The following KIF1A variants were observed in gnomAD, a reference collection of about 807,000 sequenced individuals.
KIF1A encodes kinesin family member 1A.
In KIF1A, 46 loss-of-function variants were observed where a neutral mutation model predicts 227.3. The observed-to-expected ratio is 0.20, with a 90% CI of 0.16 to 0.26. The LOEUF is 0.26. Among genes scored for constraint, KIF1A ranks in the 10% least tolerant of loss-of-function variants. The probability of loss-of-function intolerance (pLI) is 1.00; values close to 1 mark genes in which losing one functional copy is unlikely to be tolerated. For synonymous variants in KIF1A, 1,022 were observed against 1,012.8 expected, an observed-to-expected ratio of 1.01 and a Z score of -0.17; for missense variants, 1,683 against 2,485.9, an observed-to-expected ratio of 0.68 and a Z score of 6.87.
At chr2:240,786,638 C>CCAG (rs1559529327) in intron 5 of KIF1A, 125 bp from the exon 6 acceptor site, 9 of 760,834 alleles carry the variant, frequency 1.2e-5, no homozygotes, top group African/African-American at 1.1e-4. Flanking sequence ...ATGGGGGCCG[C>CCAG]CATCAGGACC....
intron 1 of KIF1A, among the ~76,000 whole-genome samples, chr2:240,817,507 A>T (rs1188422267): frequency 6.6e-6 from 1 of 152,196 alleles, no homozygotes; most frequent in Non-Finnish European, 1.5e-5. Context: ...CACCCGTGGT[A>T]GCGGCTCAGG....
rs75666979 is a variant in KIF1A, at chr2:240,720,973, G to C, written c.4809C>G (p.Leu1603=). The change falls in exon 45 of 49, where the codon CTC becomes CTG. Residue 1603 remains leucine, a synonymous_variant. Coordinates refer to ENST00000498729, the MANE Select transcript of KIF1A (RefSeq NM_001244008.2). ...PSMSPLGVAT[L]TPSSTCPSLV... ...GAGAGGGGCAAGTGGAGGAGGGGGTGAGAGTGGCCACCCCTAGAGGGGACA... is the reference window on the plus strand; with the variant it reads ...GAGAGGGGCAAGTGGAGGAGGGGGTCAGAGTGGCCACCCCTAGAGGGGACA... 1 of 1,606,652 alleles carries C rather than the reference G, an allele frequency of 6.2e-7. No individual in the cohort carries two copies. The highest frequency in any genetic ancestry group is 1.1e-5 in the South Asian group (1 of 89,666).
At chr2:240,786,732 G>GCCACCAC (rs1559529774) in intron 5 of KIF1A, among the ~76,000 whole-genome samples, 1 of 142,790 alleles carries the variant, frequency 7.0e-6, no homozygotes, top group African/African-American at 2.9e-5. Context: ...GGGGGTGGGG[G>GCCACCAC]CTGCCTGCTG....
At position 240,771,245 on chromosome 2, in the gene KIF1A, GA is replaced by G. The variant is rs1453597594; in HGVS notation, c.1208-142del. The G allele has an allele frequency of 3.0e-6, 3 of 991,646 alleles. No individual in the cohort carries two copies. The African/African-American group carries it at 4.9e-5, about 16-fold the overall frequency. 61.4% of individuals were successfully genotyped at this position (991,646 alleles called of 1,614,324 possible). A position where few individuals can be genotyped will look rare whatever the true frequency, so the allele number is the denominator to read the frequency against. On this transcript the variant is annotated intron_variant, in intron 14 of 48. Transcript: ENST00000498729. The stretch of plus-strand genomic sequence containing the variant: ...AGGGAGAGAAAAAAGATGAAGATGG[GA>G]AAAAGTAAGAGATGGGGCCCAGAGA...
chr2:240,786,237 C>T, intron 6 of KIF1A, 98 bp downstream of exon 6: 3 of 1,233,376 alleles, frequency 2.4e-6, no homozygotes, highest in Non-Finnish European at 3.5e-6. Flanking sequence ...CACAGATGGA[C>T]CCTACCAAAA....
chr2:240,747,305 A>G lies in KIF1A; in HGVS notation c.2994T>C (p.Pro998=). Residue 998 remains proline, a synonymous_variant, in exon 29 of 49, where the codon CCT becomes CCC. Coordinates refer to ENST00000498729, the MANE Select transcript of KIF1A (RefSeq NM_001244008.2). The part of the protein sequence containing the change: ...VQAISADEEA[P]DYGSGVRQSG... ...ACTGGCGGACGCCAGAGCCATAATC[A>G]GGGGCCTCTTCATCGGCTGCAGGAG... 1 of 1,613,326 alleles carries G rather than the reference A, an allele frequency of 6.2e-7. No individual in the cohort carries two copies. Among genetic ancestry groups the G allele is most frequent in the Non-Finnish European group, 8.5e-7 (1 of 1,179,512 alleles).
At chr2:240,815,577 T>C (rs564917241) in intron 1 of KIF1A, among the ~76,000 whole-genome samples, 1 of 152,278 alleles carries the variant, frequency 6.6e-6, no homozygotes, top group African/African-American at 2.4e-5. Flanking sequence ...AAGCTCAACC[T>C]GGACTCTACC....
chr2:240,778,321 C>T lies in KIF1A; in HGVS notation c.883-2395G>A, dbSNP rs1280821915. ...TCTACATAGGGCCTCGTTACACAGG[C>T]GTTCCTCACCATTCTCCACACGCCA... On this transcript the variant is annotated intron_variant, in intron 10 of 48. Transcript: ENST00000498729. This position sits in a 1 kb window ranked among gnomAD's most constrained non-coding sequence, Gnocchi z 7.2. Among the ~76,000 whole-genome samples the T allele has an allele frequency of 1.3e-5, 2 of 152,000 alleles. No individual in the cohort carries two copies. Among genetic ancestry groups the T allele is most frequent in the African/African-American group, 2.4e-5 (1 of 41,336 alleles).
At chr2:240,784,938 G>T in intron 7 of KIF1A, 51 bp downstream of exon 7, 1 of 1,470,082 alleles carries the variant, frequency 6.8e-7, no homozygotes, top group South Asian at 1.1e-5. Context: ...CCCCTACCCT[G>T]ACCACCAGCC....
chr2:240,733,156 C>G (rs2046945757), intron 38 of KIF1A, among the ~76,000 whole-genome samples: 1 of 151,994 alleles, frequency 6.6e-6, no homozygotes, highest in South Asian at 2.1e-4. Context: ...GTCTTAGTCA[C>G]ACGTGAAAGA....
At chr2:240,754,313 C>T (rs879509061) in intron 27 of KIF1A, among the ~76,000 whole-genome samples, 10 of 151,984 alleles carry the variant, frequency 6.6e-5, no homozygotes, top group African/African-American at 9.7e-5. Flanking sequence ...CCCAGGCCAC[C>T]GGTGGGACAT....
Position 240,736,969 on chromosome 2 carries a change from A to C in KIF1A, c.4007+94T>G. ...GGGCCGGGAGAGCGTTGAGCGGGTC[A>C]CCTTGTGTGGCTGAACCCTGTGCCG... On this transcript the variant is annotated intron_variant, in intron 38 of 48. Coordinates refer to ENST00000498729, the MANE Select transcript of KIF1A (RefSeq NM_001244008.2). The surrounding 1 kb of genome is among the most constrained non-coding windows in gnomAD (Gnocchi z 4.7). 2 of 1,020,334 alleles carry C rather than the reference A, an allele frequency of 2.0e-6. No homozygotes were observed. The highest frequency in any genetic ancestry group is 2.7e-5 in the South Asian group (2 of 75,182). 63.2% of individuals were successfully genotyped at this position (1,020,334 alleles called of 1,614,324 possible).
At chr2:240,727,351 G>T (rs1403134202) in intron 38 of KIF1A, among the ~76,000 whole-genome samples, 1 of 152,164 alleles carries the variant, frequency 6.6e-6, no homozygotes, top group Non-Finnish European at 1.5e-5. Context: ...CTCAGGCAGG[G>T]AGGAGAGGAA....
At chr2:240,761,457 C>T (rs905832245) in intron 23 of KIF1A, 80 bp from the exon 24 acceptor site, 133 of 1,390,300 alleles carry the variant, frequency 9.6e-5, no homozygotes, top group Non-Finnish European at 1.2e-4. Flanking sequence ...GAAGGTCAGG[C>T]TGGTCGGCCA....
chr2:240,796,426 G>A (rs980920191), intron 2 of KIF1A, among the ~76,000 whole-genome samples: 4 of 152,166 alleles, frequency 2.6e-5, no homozygotes, highest in Non-Finnish European at 5.9e-5. Context: ...CAGGGCCCCG[G>A]CCACGGAGGT....
rs993145831 is a variant in KIF1A at position 240,757,635 on chromosome 2, C to T, written c.2583-41G>A. 5.8e-6 allele frequency: 9 copies of T among 1,541,410 alleles called. No homozygotes were observed. Among genetic ancestry groups the T allele is most frequent in the Admixed American group, 2.0e-5 (1 of 50,166 alleles). ...CAAGACAGAGAGAAGTTAACACCAG[C>T]GACTCGCAGGGACGAACAGGGGCCG... On this transcript the variant is annotated intron_variant, in intron 26 of 48. Coordinates refer to ENST00000498729, the MANE Select transcript of KIF1A (RefSeq NM_001244008.2). This position sits in a 1 kb window ranked among gnomAD's most constrained non-coding sequence, Gnocchi z 6.2.
intron 38 of KIF1A, among the ~76,000 whole-genome samples, chr2:240,733,323 T>C (rs3772050): frequency 0.76 from 116,232 of 151,966 alleles, 45,315 homozygotes; most frequent in African/African-American, 0.9. Flanking sequence ...ACTCCAGGAC[T>C]AGCTAGCACG....
chr2:240,741,844 C>T lies in KIF1A; in HGVS notation c.3641-467G>A, dbSNP rs190826279. Among the ~76,000 whole-genome samples, 1,170 of 152,328 alleles carry T rather than the reference C, an allele frequency of 7.7e-3. 4 individuals are homozygous for T. Among genetic ancestry groups the T allele is most frequent in the Non-Finnish European group, 0.012 (799 of 68,032 alleles). ...CCAGGCCTGGCCCGAGAGGACCTGT[C>T]CCTCAGCTCCCACTGACCCTCCACT... On this transcript the variant is annotated intron_variant, in intron 34 of 48. Transcript: ENST00000498729.
chr2:240,755,717 G>A (rs999663463), intron 27 of KIF1A, among the ~76,000 whole-genome samples: 1 of 152,184 alleles, frequency 6.6e-6, no homozygotes, highest in African/African-American at 2.4e-5. Flanking sequence ...AAAAAATGTT[G>A]GAAGGACCCA....
Sources: allele counts gnomAD v4.1 joint callset (sites outside exome capture counted in the v4.1 genomes callset), GRCh38; gene constraint gnomAD v4.1.1; non-coding constraint Gnocchi (gnomAD v3.1); transcripts MANE v1.5; gene names NCBI Gene and HGNC (gene_info 2026-07-23, HGNC 2026-07-21).